Variants in SPOPL observed in about 807,000 individuals in gnomAD.
SPOPL encodes speckle-type POZ protein-like.
Under a neutral mutation model 53.8 loss-of-function variants are expected in SPOPL, and 23 were observed. That is an observed-to-expected ratio of 0.43 (90% CI 0.31 to 0.61). The LOEUF (loss-of-function observed/expected upper bound fraction) is 0.61. Among genes scored for constraint, SPOPL ranks in the 20% least tolerant of loss-of-function variants. The pLI is 0.12. For synonymous variants in SPOPL, 164 were observed against 149.7 expected (o/e 1.10, Z -0.70); for missense variants, 442 against 466.9 (o/e 0.95, Z 0.49).
At chr2:138,512,334 T>G (rs1293112264) in intron 1 of SPOPL, among the ~76,000 whole-genome samples, 1 of 152,212 alleles carries the variant, frequency 6.6e-6, no homozygotes, top group African/African-American at 2.4e-5. Flanking sequence ...ATGACATATT[T>G]AGTCAGAATA....
chr2:138,537,356 T>G (rs978185793), intron 1 of SPOPL, among the ~76,000 whole-genome samples: 2 of 152,048 alleles, frequency 1.3e-5, no homozygotes, highest in Non-Finnish European at 2.9e-5. Context: ...AGGGGATACA[T>G]GATTGGGGGC....
chr2:138,563,794 C>T (rs901767243), intron 8 of SPOPL, among the ~76,000 whole-genome samples: 1 of 152,174 alleles, frequency 6.6e-6, no homozygotes, highest in Non-Finnish European at 1.5e-5. Flanking sequence ...GGAAAGAAAG[C>T]ATATGCCCAT....
chr2:138,543,296 G>T (rs1037562604), intron 1 of SPOPL, among the ~76,000 whole-genome samples: 2 of 152,086 alleles, frequency 1.3e-5, no homozygotes, highest in Admixed American at 6.6e-5. Context: ...TGCTAGATTG[G>T]GGAAGTTCTC....
intron 1 of SPOPL, among the ~76,000 whole-genome samples, chr2:138,517,207 G>C (rs1046120951): frequency 6.6e-6 from 1 of 152,176 alleles, no homozygotes; most frequent in Admixed American, 6.5e-5. Flanking sequence ...ACAGGTTCTT[G>C]ATGGATTATA....
At chr2:138,568,258 A>G (rs924217596) in intron 10 of SPOPL, among the ~76,000 whole-genome samples, 1 of 152,146 alleles carries the variant, frequency 6.6e-6, no homozygotes, top group South Asian at 2.1e-4. Context: ...CCTTAAAATA[A>G]GGTTTTGATG....
At chr2:138,557,109 T>G (rs1482901932) in intron 5 of SPOPL, among the ~76,000 whole-genome samples, 1 of 151,402 alleles carries the variant, frequency 6.6e-6, no homozygotes, top group East Asian at 1.9e-4. Context: ...TGAGCAGAGA[T>G]CGCGCCACTG....
intron 5 of SPOPL, among the ~76,000 whole-genome samples, chr2:138,558,129 C>G (rs753927844): frequency 2.0e-5 from 3 of 152,116 alleles, no homozygotes; most frequent in Non-Finnish European, 4.4e-5. Flanking sequence ...CCACTGCACT[C>G]TAGCCTAGGC....
intron 1 of SPOPL, among the ~76,000 whole-genome samples, chr2:138,540,892 C>T (rs1685056823): frequency 6.6e-6 from 1 of 151,988 alleles, no homozygotes; most frequent in Non-Finnish European, 1.5e-5. Flanking sequence ...TCATAGATAG[C>T]TCTTATTATT....
At chr2:138,521,293 A>G (rs1232796939) in intron 1 of SPOPL, among the ~76,000 whole-genome samples, 1 of 152,114 alleles carries the variant, frequency 6.6e-6, no homozygotes, top group African/African-American at 2.4e-5. Flanking sequence ...GTGATGTGCC[A>G]AAGAATACAT....
At position 138,538,969 on chromosome 2, in the gene SPOPL, A is replaced by G. The variant is rs182508592; in HGVS notation, c.-60-11188A>G. Among the ~76,000 whole-genome samples, 420 of 151,752 alleles carry G rather than the reference A, an allele frequency of 2.8e-3. 2 individuals carry two copies. Among genetic ancestry groups the G allele is most frequent in the African/African-American group, 8.7e-3 (358 of 41,342 alleles). On this transcript the variant is annotated intron_variant, in intron 1 of 10. Transcript: ENST00000280098. ...TGTGTTCGTGTGTTCTCATTGTTCA[A>G]TTTTCCACCTATGAGTGAGAACATG... is the stretch of plus-strand genomic sequence containing the variant.
intron 7 of SPOPL, among the ~76,000 whole-genome samples, chr2:138,560,447 CTTG>C (rs957974065): frequency 6.7e-6 from 1 of 148,790 alleles, no homozygotes; most frequent in African/African-American, 2.4e-5. Flanking sequence ...TGTTTGTTTA[CTTG>C]TTTTTTTTTT....
chr2:138,528,212 G>A (rs1338618499), intron 1 of SPOPL, among the ~76,000 whole-genome samples: 2 of 152,172 alleles, frequency 1.3e-5, no homozygotes, highest in Admixed American at 1.3e-4. Context: ...GGGAAGGGTA[G>A]AGCCCCAGCT....
At chr2:138,556,185 G>T (rs1685420826) in intron 5 of SPOPL, among the ~76,000 whole-genome samples, 1 of 152,070 alleles carries the variant, frequency 6.6e-6, no homozygotes, top group African/African-American at 2.4e-5. Flanking sequence ...TGGTTGCTGT[G>T]ATAATACTGT....
chr2:138,503,650 G>A (rs894612074), intron 1 of SPOPL, among the ~76,000 whole-genome samples: 7 of 152,184 alleles, frequency 4.6e-5, no homozygotes, highest in African/African-American at 1.4e-4. Context: ...CCAAGCTACA[G>A]ATAGGTCAGT....
rs184439493 is a variant in SPOPL at position 138,520,963 on chromosome 2, T to C, written c.-61+18844T>C. Among the ~76,000 whole-genome samples, 705 of 152,346 alleles carry C rather than the reference T, an allele frequency of 4.6e-3. 5 individuals are homozygous for C. Among genetic ancestry groups the C allele is most frequent in the Non-Finnish European group, 6.8e-3 (464 of 68,030 alleles). On this transcript the variant is annotated intron_variant, in intron 1 of 10. Transcript: ENST00000280098. ...TTTCTTATATGCCTTGTTTATACAA[T>C]ATTATTAATACATAATAGAAAAAAT...
At chr2:138,538,340 C>A (rs191770180) in intron 1 of SPOPL, among the ~76,000 whole-genome samples, 3 of 152,132 alleles carry the variant, frequency 2.0e-5, no homozygotes, top group Admixed American at 1.3e-4. Flanking sequence ...TCTATTCTCT[C>A]TTTAATTCTG....
Position 138,559,335 on chromosome 2 carries a change from A to G in SPOPL, c.712A>G (p.Lys238Glu). The G allele has an allele frequency of 6.2e-7, 1 of 1,611,094 alleles. No homozygotes were observed. Among genetic ancestry groups the G allele is most frequent in the Non-Finnish European group, 8.5e-7 (1 of 1,178,738 alleles). ...TGAACATGAAATGGAAGAAAGCAAAAAGGTAAACATGGCTTAAAGGCTAAT... is the reference window on the plus strand; with the variant it reads ...TGAACATGAAATGGAAGAAAGCAAAGAGGTAAACATGGCTTAAAGGCTAAT... ...MFEHEMEESK[K>E]NRVEINDLDP... Residue 238 changes from lysine to glutamate, a missense_variant and splice_region_variant, in exon 7 of 11, where the codon AAG (lysine) becomes GAG (glutamate). Lys to Glu is a moderately conservative substitution (Grantham distance 56). Transcript: ENST00000280098.
At chr2:138,539,891 A>G (rs1189206283) in intron 1 of SPOPL, among the ~76,000 whole-genome samples, 1 of 151,644 alleles carries the variant, frequency 6.6e-6, no homozygotes, top group African/African-American at 2.4e-5. Flanking sequence ...AGGTCTAATA[A>G]GTCTTTAATC....
chr2:138,568,307 G>A (rs1490128120), intron 10 of SPOPL, among the ~76,000 whole-genome samples: 8 of 152,204 alleles, frequency 5.3e-5, no homozygotes, highest in African/African-American at 1.7e-4. Flanking sequence ...CAGATTTCCA[G>A]CTTGCATCAC....
Sources: allele counts gnomAD v4.1 joint callset (sites outside exome capture counted in the v4.1 genomes callset), GRCh38; gene constraint gnomAD v4.1.1; transcripts MANE v1.5; gene names NCBI Gene and HGNC (gene_info 2026-07-23, HGNC 2026-07-21).